CLTCL1: variants seen among roughly 807,000 people sequenced by gnomAD.
CLTCL1 encodes the protein clathrin heavy chain like 1.
In CLTCL1, 159 loss-of-function variants were observed where a neutral mutation model predicts 190.0. That is an observed-to-expected ratio of 0.84 (90% CI 0.74 to 0.95). The LOEUF (loss-of-function observed/expected upper bound fraction) is 0.95. Among genes scored for constraint, CLTCL1 ranks in the 40% least tolerant of loss-of-function variants. The pLI is 0.00. For synonymous variants in CLTCL1, 752 were observed against 769.6 expected, an observed-to-expected ratio of 0.98 and a Z score of 0.38; for missense variants, 1,878 against 2,033.4, an observed-to-expected ratio of 0.92 and a Z score of 1.47.
chr22:19,253,232 T>C (rs2086651800), intron 3 of CLTCL1, among the ~76,000 whole-genome samples: 1 of 152,154 alleles, frequency 6.6e-6, no homozygotes, highest in Non-Finnish European at 1.5e-5. Flanking sequence ...ATACAATACC[T>C]ACAGTGCAGA....
chr22:19,252,571 C>G (rs2086624281), intron 3 of CLTCL1, among the ~76,000 whole-genome samples: 1 of 152,204 alleles, frequency 6.6e-6, no homozygotes, highest in Admixed American at 6.5e-5. Flanking sequence ...GTGACAGTTC[C>G]TTAATTACTA....
chr22:19,224,968 G>A (rs1037636455), intron 13 of CLTCL1, among the ~76,000 whole-genome samples: 1 of 152,134 alleles, frequency 6.6e-6, no homozygotes, highest in Admixed American at 6.6e-5. Flanking sequence ...TTGGTGTGAT[G>A]TCCAAGAAGG....
At position 19,183,489 on chromosome 22, in the gene CLTCL1, C is replaced by T. The variant is rs1555926811; in HGVS notation, c.4728G>A (p.Leu1576=). 1 of 1,610,108 alleles carries T rather than the reference C, an allele frequency of 6.2e-7. No homozygotes were observed. Among genetic ancestry groups the T allele is most frequent in the South Asian group, 1.1e-5 (1 of 91,068 alleles). ...FAACLFTCYD[L]LRPDMVLELA... ...GCTCAAGCACCATGTCTGGGCGAAGCAGGTCATAGCAGGTGAAGAGACAAG... is the reference window on the plus strand; with the variant it reads ...GCTCAAGCACCATGTCTGGGCGAAGTAGGTCATAGCAGGTGAAGAGACAAG... Residue 1576 remains leucine (L), a synonymous_variant, in exon 30 of 33, where the codon CTG becomes CTA. Coordinates refer to ENST00000427926, the MANE Select transcript of CLTCL1 (RefSeq NM_007098.4).
At chr22:19,279,619 G>C (rs1490610153) in intron 1 of CLTCL1, among the ~76,000 whole-genome samples, 2 of 152,166 alleles carry the variant, frequency 1.3e-5, no homozygotes, top group Non-Finnish European at 2.9e-5. Flanking sequence ...AAATGTGATA[G>C]AATAAATCTT....
At chr22:19,280,935 G>A (rs1254364520) in intron 1 of CLTCL1, among the ~76,000 whole-genome samples, 2 of 152,020 alleles carry the variant, frequency 1.3e-5, no homozygotes, top group African/African-American at 4.8e-5. Flanking sequence ...ATGGGGTTGG[G>A]GGGAGGAGTG....
At chr22:19,235,947 A>C in intron 5 of CLTCL1, 78 bp from the exon 6 acceptor site, 1 of 1,254,822 alleles carries the variant, frequency 8.0e-7, no homozygotes, top group African/African-American at 1.5e-5. Context: ...ACAAATGATA[A>C]AGAGGATTCT....
chr22:19,284,149 A>G (rs1284311232), intron 1 of CLTCL1, among the ~76,000 whole-genome samples: 1 of 152,208 alleles, frequency 6.6e-6, no homozygotes, highest in Non-Finnish European at 1.5e-5. Flanking sequence ...GAGAACATCA[A>G]CTGCCTACAT....
At chr22:19,272,287 G>A (rs1050768875) in intron 2 of CLTCL1, among the ~76,000 whole-genome samples, 7 of 152,112 alleles carry the variant, frequency 4.6e-5, no homozygotes, top group Admixed American at 2.6e-4. Flanking sequence ...CCACAAATCC[G>A]TCAGCAAAGA....
rs1453326452 is a variant in CLTCL1, at chr22:19,239,343, A to G, written c.727T>C (p.Phe243Leu). ...AACACATCTACTGCTTTCTTTACAA[A>G]AGGTTGGTTTCCCGCTGCAGGCTGT... ...VGQPAAGNQP[F>L]VKKAVDVFFP... The change falls in exon 5 of 33, where the codon TTT (phenylalanine) becomes CTT (leucine). Residue 243 changes from phenylalanine (F) to leucine (L), a missense_variant. Phe to Leu is a conservative substitution (Grantham distance 22). Transcript: ENST00000427926. 2.5e-6 allele frequency: 4 copies of G among 1,614,042 alleles called. No individual in the cohort carries two copies. Among genetic ancestry groups the G allele is most frequent in the Non-Finnish European group, 3.4e-6 (4 of 1,179,906 alleles).
At chr22:19,194,337 C>G (rs1466484102) in intron 26 of CLTCL1, among the ~76,000 whole-genome samples, 2 of 152,046 alleles carry the variant, frequency 1.3e-5, no homozygotes, top group Admixed American at 1.3e-4. Flanking sequence ...CAAAAATGAG[C>G]CGGGCGTGGT....
chr22:19,217,615 CA>C (rs71184793), intron 18 of CLTCL1, among the ~76,000 whole-genome samples: 797 of 34,722 alleles, frequency 0.023, 4 homozygotes, highest in East Asian at 0.058. Flanking sequence ...GACTCTGTCT[CA>C]AAAAAAAAAA....
chr22:19,229,896 G>A lies in CLTCL1; in HGVS notation c.1724C>T (p.Pro575Leu). 6.2e-7 allele frequency: 1 copy of A among 1,611,578 alleles called. No homozygotes were observed. Among genetic ancestry groups the A allele is most frequent in the Non-Finnish European group, 8.5e-7 (1 of 1,179,030 alleles). The change falls in exon 11 of 33, where the codon CCA becomes CTA. Residue 575 changes from proline (P) to leucine (L), a missense_variant. Physicochemically the swap from Pro to Leu is moderately conservative, Grantham distance 98. Coordinates refer to ENST00000427926, the MANE Select transcript of CLTCL1 (RefSeq NM_007098.4). Reference protein sequence around the residue: ...FLLDALKNNRPAEGLLQTWLL... With the variant: ...FLLDALKNNRLAEGLLQTWLL... ...CCATGTCTGCAGGAGTCCCTCAGCT[G>A]GGCGATTATTCTTCAAGGCATCCAA...
At chr22:19,236,176 G>C (rs572455457) in intron 5 of CLTCL1, among the ~76,000 whole-genome samples, 3 of 152,194 alleles carry the variant, frequency 2.0e-5, no homozygotes, top group Non-Finnish European at 4.4e-5. Context: ...TGGGAGCAAT[G>C]CTTTCCTGAG....
At chr22:19,204,179 C>T (rs1217926478) in intron 22 of CLTCL1, among the ~76,000 whole-genome samples, 7 of 152,168 alleles carry the variant, frequency 4.6e-5, no homozygotes, top group African/African-American at 1.7e-4. Flanking sequence ...TGTCCAGTCT[C>T]GCCCAGAGCA....
Position 19,208,964 on chromosome 22 carries a change from G to C in CLTCL1, c.3400C>G (p.Pro1134Ala), listed in dbSNP as rs782602463. 6.2e-7 allele frequency: 1 copy of C among 1,611,552 alleles called. No individual in the cohort carries two copies. Among genetic ancestry groups the C allele is most frequent in the Admixed American group, 1.7e-5 (1 of 59,732 alleles). ...AINSYIRGDD[P>A]SSYLEVVQSA... ...TGAACAACTTCCAGGTAAGAGGAAG[G>C]GTCGTCCCCTCTGATATAGGAGTTG... Residue 1134 changes from proline to alanine, a missense_variant, in exon 21 of 33, where the codon CCT becomes GCT. Physicochemically the swap from Pro to Ala is conservative, Grantham distance 27. Transcript: ENST00000427926.
intron 29 of CLTCL1, chr22:19,184,500 C>A (rs782229123): frequency 2.2e-6 from 1 of 456,068 alleles, no homozygotes; most frequent in South Asian, 1.5e-5. Flanking sequence ...CGCTGGCATG[C>A]TGCTCATCGA....
chr22:19,210,572 G>A, intron 19 of CLTCL1, 63 bp from the exon 20 acceptor site: 1 of 1,478,410 alleles, frequency 6.8e-7, no homozygotes, highest in South Asian at 1.2e-5. Flanking sequence ...CCATTTTTTG[G>A]CAGGTCAGGC....
chr22:19,242,290 ATT>A (rs139918942), intron 4 of CLTCL1, among the ~76,000 whole-genome samples: 2 of 139,516 alleles, frequency 1.4e-5, no homozygotes, highest in Non-Finnish European at 3.1e-5. Context: ...GTGTGGAAGG[ATT>A]TTTTTTTTTT....
chr22:19,282,392 C>T (rs1332486785), intron 1 of CLTCL1, among the ~76,000 whole-genome samples: 3 of 150,074 alleles, frequency 2.0e-5, no homozygotes, highest in African/African-American at 7.4e-5. Context: ...AATCCCAGCA[C>T]TTTGGGAGGC....
Sources: allele counts gnomAD v4.1 joint callset (sites outside exome capture counted in the v4.1 genomes callset), GRCh38; gene constraint gnomAD v4.1.1; transcripts MANE v1.5; gene names NCBI Gene and HGNC (gene_info 2026-07-23, HGNC 2026-07-21).